The following PCNT variants were observed in gnomAD, a reference collection of about 807,000 sequenced individuals.
The protein encoded by PCNT is kendrin.
A neutral mutation model predicts 380.4 loss-of-function variants in PCNT; 319 were observed. The ratio of observed to expected loss-of-function variants is 0.84; its 90% CI spans 0.77 to 0.92. PCNT has a LOEUF of 0.92. Among genes scored for constraint, PCNT ranks in the 40% least tolerant of loss-of-function variants. The pLI, the probability that PCNT is intolerant of heterozygous loss-of-function variation, is 0.00. For synonymous variants in PCNT, 1,845 were observed against 1,735.2 expected (o/e 1.06, Z -1.57); for missense variants, 4,400 against 4,255.3 (o/e 1.03, Z -0.95).
In PCNT at chr21:46,444,481, C is replaced by T. The variant is rs186770308; in HGVS notation, c.9840-213C>T. 5.8e-4 allele frequency among the ~76,000 whole-genome samples: 88 copies of T among 152,274 alleles called. 1 individual carries two copies. The highest frequency in any genetic ancestry group is 2.0e-3 in the African/African-American group (83 of 41,580). On this transcript the variant is annotated intron_variant, in intron 45 of 46. Coordinates refer to ENST00000359568, the MANE Select transcript of PCNT (RefSeq NM_006031.6). Reference sequence around the variant, plus strand: ...GTAGCAAGCAAAGTAATATACTCAACTCTGGAACATTGCACAGAAGCTTTT... The same window carrying T: ...GTAGCAAGCAAAGTAATATACTCAATTCTGGAACATTGCACAGAAGCTTTT...
At chr21:46,403,989 G>A (rs1180862140) in intron 27 of PCNT, among the ~76,000 whole-genome samples, 7 of 141,164 alleles carry the variant, frequency 5.0e-5, no homozygotes, top group Admixed American at 3.5e-4. Flanking sequence ...CACGCGGCGC[G>A]TGCTCGGTGA....
intron 2 of PCNT, among the ~76,000 whole-genome samples, chr21:46,331,324 T>A (rs1011069199): frequency 3.3e-5 from 5 of 151,674 alleles, no homozygotes; most frequent in African/African-American, 1.2e-4. Flanking sequence ...GCCCAGCTGA[T>A]ATAAGACATA....
intron 27 of PCNT, among the ~76,000 whole-genome samples, chr21:46,402,960 C>CT (rs1251441920): frequency 6.6e-6 from 1 of 152,190 alleles, no homozygotes; most frequent in African/African-American, 2.4e-5. Context: ...ATTTTTAAAT[C>CT]TTTTATTTTA....
chr21:46,399,660 C>A lies in PCNT; in HGVS notation c.4655C>A (p.Ser1552Ter), dbSNP rs915028258. ...EFNELAIQKE[S>*]ADRQVLMQEE... ...AATGAATTGGCTATACAGAAAGAGT[C>A]GGCAGATAGACAAGTGTTAATGCAG... Residue 1552 changes from serine (S) to a stop codon, truncating the protein, a stop_gained, in exon 25 of 47, where the codon TCG becomes TAG. Coordinates refer to ENST00000359568, the MANE Select transcript of PCNT (RefSeq NM_006031.6). LOFTEE classifies it high-confidence loss of function. 1.9e-6 allele frequency: 3 copies of A among 1,613,290 alleles called. No homozygotes were observed. The highest frequency in any genetic ancestry group is 2.5e-6 in the Non-Finnish European group (3 of 1,179,436).
At chr21:46,430,686 G>T in intron 37 of PCNT, 29 bp downstream of exon 37, 1 of 1,559,142 alleles carries the variant, frequency 6.4e-7, no homozygotes, top group South Asian at 1.2e-5. Context: ...AAGGCAGCCG[G>T]CATGGGCTGT....
chr21:46,367,485 T>A (rs1050329210), intron 15 of PCNT, among the ~76,000 whole-genome samples: 10 of 152,090 alleles, frequency 6.6e-5, no homozygotes. Context: ...TTTTTGTATT[T>A]TTAGTAGAGA....
intron 18 of PCNT, 134 bp from the exon 19 acceptor site, chr21:46,389,065 C>T (rs1377547054): frequency 6.3e-6 from 8 of 1,269,262 alleles, no homozygotes; most frequent in East Asian, 2.5e-5. Context: ...TTGTCAGCTC[C>T]CGTGGACGTG....
chr21:46,409,190 CT>C (rs11399485), intron 27 of PCNT, among the ~76,000 whole-genome samples: 60 of 123,970 alleles, frequency 4.8e-4, no homozygotes, highest in East Asian at 1.9e-3. Flanking sequence ...AAACTTTTTA[CT>C]TTTTTTTTTT....
rs562699019 is a variant in PCNT at position 46,355,488 on chromosome 21, A to G, written c.1798A>G (p.Ser600Gly). ...LPRFQAELEESHRHQLEALES... is the reference protein window; with the variant it reads ...LPRFQAELEEGHRHQLEALES... Reference sequence around the variant, plus strand: ...ACGCTTCCAGGCGGAGTTAGAAGAAAGCCACAGGCACCAGCTGGAAGCGCT... The same window carrying G: ...ACGCTTCCAGGCGGAGTTAGAAGAAGGCCACAGGCACCAGCTGGAAGCGCT... Residue 600 changes from serine to glycine, a missense_variant, in exon 12 of 47, where the codon AGC becomes GGC. Physicochemically the swap from Ser to Gly is moderately conservative, Grantham distance 56. Transcript: ENST00000359568. The G allele has an allele frequency of 3.7e-6, 6 of 1,614,036 alleles. No homozygotes were observed. The South Asian group carries it at 6.6e-5, about 18-fold the overall frequency.
chr21:46,411,523 T>C lies in PCNT; in HGVS notation c.5450T>C (p.Leu1817Pro), dbSNP rs755606554. The C allele has an allele frequency of 1.9e-6, 3 of 1,610,080 alleles. No individual in the cohort carries two copies. The highest frequency in any genetic ancestry group is 1.3e-5 in the African/African-American group (1 of 74,898). The change falls in exon 28 of 47, where the codon CTG becomes CCG. Residue 1817 changes from leucine to proline, a missense_variant. Coordinates refer to ENST00000359568, the MANE Select transcript of PCNT (RefSeq NM_006031.6). The stretch of plus-strand genomic sequence containing the variant: ...CAGGAGCGCAGGCACAGCCAGGCCC[T>C]GGAGGCCCTGCAGCAGCGCCTCCAG... Reference protein sequence around the residue: ...ADQERRHSQALEALQQRLQGA... With the variant: ...ADQERRHSQAPEALQQRLQGA...
In PCNT at chr21:46,416,431, A is replaced by G; in HGVS notation, c.6513A>G (p.Pro2171=). ...TCAAAAATTGGGATTCCTTGATACC[A>G]GATGAAATGCCAGATTCTCCCATTC... ...DVIKNWDSLI[P]DEMPDSPIQE... The change falls in exon 30 of 47, where the codon CCA becomes CCG. Residue 2171 remains proline, a synonymous_variant. Transcript: ENST00000359568. The G allele has an allele frequency of 3.1e-6, 5 of 1,614,250 alleles. No homozygotes were observed. The South Asian group carries it at 5.5e-5, about 18-fold the overall frequency.
chr21:46,382,215 G>A (rs1323263420), intron 16 of PCNT, among the ~76,000 whole-genome samples: 3 of 145,286 alleles, frequency 2.1e-5, no homozygotes, highest in Admixed American at 7.0e-5. Context: ...TGGCGGAAGC[G>A]CATTCATAGT....
rs1052327519 is a variant in PCNT at position 46,375,754 on chromosome 21, C to T, written c.3166-5940C>T. ...TGCCTGTGACCTGCCCAGCCCTGCC[C>T]GACGTCTCCTGGGGGCTGTCCCCCC... On this transcript the variant is annotated intron_variant, in intron 15 of 46. Coordinates refer to ENST00000359568, the MANE Select transcript of PCNT (RefSeq NM_006031.6). 6.6e-5 allele frequency among the ~76,000 whole-genome samples: 10 copies of T among 152,232 alleles called. No individual in the cohort carries two copies. The East Asian group carries it at 1.2e-3, about 18-fold the overall frequency.
rs2147282300 is a variant in PCNT, at chr21:46,389,411, G to T, written c.3820G>T (p.Ala1274Ser). ...SLAVDGLMEM[A>S]LDSSRQLEEA... Reference sequence around the variant, plus strand: ...GGCCGTGGACGGCCTCATGGAGATGGCCCTGGACTCCAGCAGGCAGGTGAG... The same window carrying T: ...GGCCGTGGACGGCCTCATGGAGATGTCCCTGGACTCCAGCAGGCAGGTGAG... The change falls in exon 19 of 47, where the codon GCC becomes TCC. Residue 1274 changes from alanine (A) to serine (S), a missense_variant. By Grantham distance (99) the Ala-to-Ser change is moderately conservative. Transcript: ENST00000359568. 6.2e-7 allele frequency: 1 copy of T among 1,613,938 alleles called. No individual in the cohort carries two copies. The highest frequency in any genetic ancestry group is 8.5e-7 in the Non-Finnish European group (1 of 1,179,812).
chr21:46,408,013 A>G (rs1414377972), intron 27 of PCNT, among the ~76,000 whole-genome samples: 2 of 152,132 alleles, frequency 1.3e-5, no homozygotes, highest in Non-Finnish European at 2.9e-5. Context: ...TTTTGTTTTT[A>G]GACTTCGTGC....
At chr21:46,430,354 C>A (rs532876867) in intron 36 of PCNT, 122 bp downstream of exon 36, 8 of 1,367,680 alleles carry the variant, frequency 5.8e-6, no homozygotes, top group Non-Finnish European at 8.1e-6. Context: ...AGGGGCACCG[C>A]GCCCTGCTGT....
intron 1 of PCNT, among the ~76,000 whole-genome samples, 198 bp downstream of exon 1, chr21:46,324,480 C>T (rs1200485385): frequency 2.6e-5 from 4 of 151,518 alleles, no homozygotes; most frequent in African/African-American, 7.3e-5. Flanking sequence ...CCGCCAGGTC[C>T]CGCCCCCGCC....
At chr21:46,364,504 T>C (rs925817081) in intron 14 of PCNT, among the ~76,000 whole-genome samples, 5 of 152,276 alleles carry the variant, frequency 3.3e-5, no homozygotes, top group Admixed American at 2.6e-4. Flanking sequence ...CAGCAGAAGC[T>C]AAACCTCTTT....
chr21:46,333,531 C>T (rs1221767404), intron 2 of PCNT, among the ~76,000 whole-genome samples: 3 of 151,210 alleles, frequency 2.0e-5, no homozygotes, highest in Non-Finnish European at 4.4e-5. Context: ...TGTTTGAACC[C>T]GGAGGCGGAG....
Sources: allele counts gnomAD v4.1 joint callset (sites outside exome capture counted in the v4.1 genomes callset), GRCh38; gene constraint gnomAD v4.1.1; transcripts MANE v1.5; gene names NCBI Gene and HGNC (gene_info 2026-07-23, HGNC 2026-07-21).